Variants in DCC observed in about 807,000 individuals in gnomAD.
DCC encodes DCC netrin 1 receptor.
A neutral mutation model predicts 172.5 loss-of-function variants in DCC; 58 were observed. That is an observed-to-expected ratio of 0.34 (90% CI 0.27 to 0.42). DCC has a LOEUF of 0.42. Ranked by LOEUF, DCC falls within the 10% of genes least tolerant of loss-of-function variation. DCC has a pLI of 1.00. For missense variants in DCC, 1,740 were observed against 1,791.0 expected, an observed-to-expected ratio of 0.97 and a Z score of 0.51; for synonymous variants, 709 against 644.5, an observed-to-expected ratio of 1.10 and a Z score of -1.52.
chr18:52,635,340 C>T (rs1379234677), intron 1 of DCC, among the ~76,000 whole-genome samples: 3 of 152,168 alleles, frequency 2.0e-5, no homozygotes, highest in African/African-American at 4.8e-5. Context: ...TTGCCCTACG[C>T]AACACTGTGC....
intron 1 of DCC, among the ~76,000 whole-genome samples, chr18:52,408,331 CA>C (rs1273468741): frequency 1.3e-5 from 2 of 151,562 alleles, no homozygotes; most frequent in Admixed American, 6.6e-5. Flanking sequence ...AAGCTTTTTT[CA>C]TGGAGGAAAG....
In DCC at chr18:52,863,801, A is replaced by G. The variant is rs1449829902; in HGVS notation, c.413-42243A>G. On this transcript the variant is annotated intron_variant, in intron 2 of 28. Transcript: ENST00000442544. ...GCCATCATCTCAAATTAAATTTTCT[A>G]TTAATCATTTTTGTATTACTGTCTG... 2.6e-5 allele frequency among the ~76,000 whole-genome samples: 4 copies of G among 152,014 alleles called. No individual in the cohort carries two copies. The South Asian group carries it at 6.2e-4, about 24-fold the overall frequency.
intron 14 of DCC, among the ~76,000 whole-genome samples, chr18:53,326,931 G>T (rs1164818181): frequency 6.6e-6 from 1 of 152,158 alleles, no homozygotes. Context: ...GCATTATGTT[G>T]TATAACTTAC....
chr18:52,772,931 C>T (rs1054371254), intron 2 of DCC, among the ~76,000 whole-genome samples: 11 of 152,058 alleles, frequency 7.2e-5, no homozygotes, highest in African/African-American at 2.4e-4. Context: ...TTTTCATTGC[C>T]AAGAAAATAA....
intron 12 of DCC, among the ~76,000 whole-genome samples, chr18:53,291,558 T>C (rs1192645333): frequency 3.3e-5 from 5 of 152,218 alleles, no homozygotes; most frequent in African/African-American, 4.8e-5. Flanking sequence ...CACTGTATTT[T>C]CTGCCTTAAA....
intron 27 of DCC, among the ~76,000 whole-genome samples, chr18:53,507,385 T>C (rs1217392791): frequency 6.6e-6 from 1 of 152,216 alleles, no homozygotes; most frequent in Non-Finnish European, 1.5e-5. Flanking sequence ...TCTAAAGACA[T>C]GACCTGTAGT....
intron 25 of DCC, 44 bp from the exon 26 acceptor site, chr18:53,486,753 A>T (rs1485034747): frequency 5.0e-6 from 8 of 1,613,700 alleles, no homozygotes; most frequent in African/African-American, 1.3e-5. Flanking sequence ...TTGTTGAGTG[A>T]ATACATAAGG....
At chr18:52,597,003 T>C (rs566799233) in intron 1 of DCC, among the ~76,000 whole-genome samples, 2 of 152,294 alleles carry the variant, frequency 1.3e-5, no homozygotes, top group African/African-American at 4.8e-5. Flanking sequence ...TTCCTTTGCA[T>C]AGGGGCTTTG....
In DCC at chr18:53,229,215, A is replaced by G. The variant is rs74452215; in HGVS notation, c.1911+13618A>G. On this transcript the variant is annotated intron_variant, in intron 12 of 28. Coordinates refer to ENST00000442544, the MANE Select transcript of DCC (RefSeq NM_005215.4). Reference sequence around the variant, plus strand: ...TCTTTTAAAAACAAAGATTTATGTGACATCCTGGTATAATATGCAAAGGCA... The same window carrying G: ...TCTTTTAAAAACAAAGATTTATGTGGCATCCTGGTATAATATGCAAAGGCA... Among the ~76,000 whole-genome samples, 27 of 152,280 alleles carry G rather than the reference A, an allele frequency of 1.8e-4. 1 individual carries two copies. The East Asian group carries it at 4.6e-3, about 26-fold the overall frequency.
At chr18:52,929,291 C>T (rs1055718249) in intron 5 of DCC, among the ~76,000 whole-genome samples, 1 of 152,112 alleles carries the variant, frequency 6.6e-6, no homozygotes, top group African/African-American at 2.4e-5. Flanking sequence ...GAGTCTTAGG[C>T]ATATGCTTTA....
rs145939274 is a variant in DCC at position 52,498,131 on chromosome 18, T to C, written c.91+157253T>C. ...CTGTCACAAAATGTTCTTCTTTTTT[T>C]CCCCAATTATTTAAAAATGTAAAAT... is the stretch of plus-strand genomic sequence containing the variant. On this transcript the variant is annotated intron_variant, in intron 1 of 28. Transcript: ENST00000442544. 2.3e-3 allele frequency among the ~76,000 whole-genome samples: 355 copies of C among 152,220 alleles called. 4 individuals are homozygous for C. The highest frequency in any genetic ancestry group is 8.2e-3 in the African/African-American group (342 of 41,534).
At chr18:53,209,525 C>T (rs1047936956) in intron 11 of DCC, among the ~76,000 whole-genome samples, 1 of 152,140 alleles carries the variant, frequency 6.6e-6, no homozygotes, top group Admixed American at 6.5e-5. Context: ...CCTGGGTGTA[C>T]ATTTCACACA....
chr18:52,521,579 G>T (rs1453606605), intron 1 of DCC, among the ~76,000 whole-genome samples: 1 of 152,014 alleles, frequency 6.6e-6, no homozygotes, highest in African/African-American at 2.4e-5. Context: ...TTCGTGGCAG[G>T]GTGGGGCAGG....
rs376374429 is a variant in DCC at position 53,139,928 on chromosome 18, T to A, written c.1262-17428T>A. 2.6e-5 allele frequency among the ~76,000 whole-genome samples: 4 copies of A among 152,186 alleles called. No individual in the cohort carries two copies. In the East Asian group the frequency reaches 5.8e-4, roughly 22 times the overall value. On this transcript the variant is annotated intron_variant, in intron 7 of 28. Transcript: ENST00000442544. ...CACCAAGGAGGATACAAATAAAGAA[T>A]GTGAGCTCCAAAAAGGCAGACGGTA...
chr18:52,642,226 A>C (rs1462973088), intron 1 of DCC, among the ~76,000 whole-genome samples: 1 of 151,942 alleles, frequency 6.6e-6, no homozygotes, highest in Non-Finnish European at 1.5e-5. Flanking sequence ...CAGAAATGGA[A>C]AACCAAACAT....
chr18:52,978,092 A>T (rs1190153115), intron 5 of DCC, among the ~76,000 whole-genome samples: 1 of 152,098 alleles, frequency 6.6e-6, no homozygotes, highest in African/African-American at 2.4e-5. Context: ...TGAACTGTAC[A>T]GCTAAAGAGG....
chr18:53,511,601 G>A (rs1368677177), intron 27 of DCC, among the ~76,000 whole-genome samples: 2 of 152,132 alleles, frequency 1.3e-5, no homozygotes, highest in Non-Finnish European at 2.9e-5. Context: ...CAGTGGGTGC[G>A]CACACCGTGC....
chr18:53,133,058 A>G (rs1306105202), intron 7 of DCC, among the ~76,000 whole-genome samples: 1 of 152,218 alleles, frequency 6.6e-6, no homozygotes, highest in African/African-American at 2.4e-5. Flanking sequence ...ACTATTAGGG[A>G]AGTACTAACT....
At chr18:52,458,296 C>T (rs966310554) in intron 1 of DCC, among the ~76,000 whole-genome samples, 3 of 152,142 alleles carry the variant, frequency 2.0e-5, no homozygotes, top group Non-Finnish European at 4.4e-5. Context: ...ATCCTTCAGC[C>T]TTCTGATTGA....
Sources: gnomAD v4.1 joint callset for allele counts (sites outside exome capture counted in the v4.1 genomes callset) on GRCh38, gnomAD v4.1.1 for gene constraint, MANE v1.5 for transcripts, NCBI Gene and HGNC (gene_info 2026-07-23, HGNC 2026-07-21) for gene names.